Variants in PPP3R1 observed in about 807,000 individuals in gnomAD.
PPP3R1 encodes calcineurin subunit B type 1.
In PPP3R1, 5 loss-of-function variants were observed where a neutral mutation model predicts 22.6. The ratio of observed to expected loss-of-function variants is 0.22; its 90% CI spans 0.12 to 0.46. The LOEUF is 0.46. Ranked by LOEUF, PPP3R1 falls within the 20% of genes least tolerant of loss-of-function variation. The pLI is 0.99. For synonymous variants in PPP3R1, 56 were observed against 65.2 expected, an observed-to-expected ratio of 0.86 and a Z score of 0.68; for missense variants, 61 against 203.2, an observed-to-expected ratio of 0.30 and a Z score of 4.25.
At chr2:68,248,350 G>A (rs903835348) in intron 1 of PPP3R1, among the ~76,000 whole-genome samples, 1 of 152,152 alleles carries the variant, frequency 6.6e-6, no homozygotes, top group African/African-American at 2.4e-5. Flanking sequence ...ATAGCACATA[G>A]CACACTGCAT....
At chr2:68,236,188 ACCTT>A (rs1374491997) in intron 1 of PPP3R1, among the ~76,000 whole-genome samples, 3 of 152,164 alleles carry the variant, frequency 2.0e-5, no homozygotes, top group African/African-American at 7.2e-5. Context: ...TATACAATTT[ACCTT>A]TTTTTTCTTT....
intron 1 of PPP3R1, among the ~76,000 whole-genome samples, chr2:68,225,555 T>A (rs938852058): frequency 6.6e-6 from 1 of 152,224 alleles, no homozygotes; most frequent in African/African-American, 2.4e-5. Flanking sequence ...TTCAGCCTTG[T>A]GATACTCTGA....
intron 2 of PPP3R1, among the ~76,000 whole-genome samples, chr2:68,211,583 A>G (rs1448557491): frequency 2.0e-5 from 3 of 152,108 alleles, no homozygotes; most frequent in Non-Finnish European, 2.9e-5. Context: ...TTGCCACATC[A>G]TTTGACAATT....
At chr2:68,228,036 T>C (rs984227235) in intron 1 of PPP3R1, among the ~76,000 whole-genome samples, 1 of 152,206 alleles carries the variant, frequency 6.6e-6, no homozygotes, top group Non-Finnish European at 1.5e-5. Context: ...TTGTTACAGA[T>C]CTTACAGAGA....
At chr2:68,237,619 C>G (rs1325642391) in intron 1 of PPP3R1, among the ~76,000 whole-genome samples, 1 of 152,134 alleles carries the variant, frequency 6.6e-6, no homozygotes, top group African/African-American at 2.4e-5. Context: ...TAAGTTCAAA[C>G]TGGACAAGCA....
chr2:68,210,986 T>A, intron 2 of PPP3R1, among the ~76,000 whole-genome samples: 1 of 152,156 alleles, frequency 6.6e-6, no homozygotes. Flanking sequence ...ATAAAGTGAA[T>A]AAAGCGAACT....
chr2:68,204,353 G>GATATATATATATGCTGAT (rs1491437318), intron 2 of PPP3R1, among the ~76,000 whole-genome samples: 2 of 148,344 alleles, frequency 1.3e-5, no homozygotes, highest in Non-Finnish European at 3.0e-5. Flanking sequence ...TATATATTCT[G>GATATATATATATGCTGAT]ATATATATAT....
Position 68,209,416 on chromosome 2 carries a change from T to C in PPP3R1, c.43+7676A>G, listed in dbSNP as rs1015785434. 3.6e-4 allele frequency among the ~76,000 whole-genome samples: 44 copies of C among 123,288 alleles called. 1 individual carries two copies. Among genetic ancestry groups the C allele is most frequent in the Non-Finnish European group, 5.2e-5 (3 of 57,626 alleles). 80.9% of individuals were successfully genotyped at this position (123,288 alleles called of 152,430 possible). On this transcript the variant is annotated intron_variant, in intron 2 of 5. Coordinates refer to ENST00000234310, the MANE Select transcript of PPP3R1 (RefSeq NM_000945.4). The stretch of plus-strand genomic sequence containing the variant: ...ACTGTGGAAGTTACAAAATAGCAGA[T>C]AAATTAATAAATAAGTAATTTGGGT...
intron 2 of PPP3R1, among the ~76,000 whole-genome samples, chr2:68,198,340 TAC>T (rs1337374819): frequency 1.1e-5 from 1 of 90,268 alleles, no homozygotes; most frequent in East Asian, 3.1e-4. Context: ...TACATATATG[TAC>T]ATGTATATGC....
Position 68,179,629 on chromosome 2 carries a change from A to G in PPP3R1, c.*1334T>C, listed in dbSNP as rs1047651318. 3 of 152,254 alleles carry G rather than the reference A, an allele frequency of 2.0e-5. No individual in the cohort carries two copies. Among genetic ancestry groups the G allele is most frequent in the Non-Finnish European group, 4.4e-5 (3 of 68,046 alleles). 9.4% of individuals were successfully genotyped at this position (152,254 alleles called of 1,614,324 possible). A position where few individuals can be genotyped will look rare whatever the true frequency, so the allele number is the denominator to read the frequency against. On this transcript the variant is annotated 3_prime_UTR_variant, in exon 6 of 6. Transcript: ENST00000234310. ...CCAAAATGTTTTTCTTCCAGCTAAC[A>G]GTACCTTTGCAGAAATGGGAAGGGA... is the stretch of plus-strand genomic sequence containing the variant.
intron 1 of PPP3R1, among the ~76,000 whole-genome samples, chr2:68,228,088 T>A (rs1572971067): frequency 6.6e-6 from 1 of 152,166 alleles, no homozygotes; most frequent in African/African-American, 2.4e-5. Flanking sequence ...CAGCTGTAGG[T>A]TTTCACAGAT....
intron 1 of PPP3R1, among the ~76,000 whole-genome samples, chr2:68,247,373 C>A (rs1160572362): frequency 6.6e-6 from 1 of 152,232 alleles, no homozygotes; most frequent in Non-Finnish European, 1.5e-5. Flanking sequence ...CCAAATGATA[C>A]TGATGCTGCT....
chr2:68,217,345 ACT>A (rs1669600420), intron 1 of PPP3R1, among the ~76,000 whole-genome samples: 1 of 152,070 alleles, frequency 6.6e-6, no homozygotes, highest in South Asian at 2.1e-4. Flanking sequence ...CTGACTTATG[ACT>A]CTGTCACTTA....
chr2:68,241,260 T>C (rs553681957), intron 1 of PPP3R1, among the ~76,000 whole-genome samples: 43 of 152,342 alleles, frequency 2.8e-4, no homozygotes, highest in African/African-American at 1.0e-3. Context: ...TCTAATACAA[T>C]GTAAATAGTA....
chr2:68,189,829 A>G (rs1674622945), intron 2 of PPP3R1, among the ~76,000 whole-genome samples: 1 of 152,196 alleles, frequency 6.6e-6, no homozygotes, highest in African/African-American at 2.4e-5. Flanking sequence ...AGATCACGCC[A>G]CTGCTTTCCA....
At chr2:68,234,774 A>T (rs1402166548) in intron 1 of PPP3R1, among the ~76,000 whole-genome samples, 1 of 151,140 alleles carries the variant, frequency 6.6e-6, no homozygotes, top group Non-Finnish European at 1.5e-5. Context: ...AAACATATAT[A>T]ATAACCCCCT....
intron 1 of PPP3R1, among the ~76,000 whole-genome samples, chr2:68,245,066 C>G (rs1266565633): frequency 3.0e-4 from 45 of 152,140 alleles, no homozygotes; most frequent in Admixed American, 2.9e-3. Context: ...AGCTATTACC[C>G]TGACTCAAAT....
At chr2:68,188,735 C>A in intron 2 of PPP3R1, 45 bp from the exon 3 acceptor site, 3 of 1,490,042 alleles carry the variant, frequency 2.0e-6, no homozygotes, top group East Asian at 2.4e-5. Context: ...TAAAAATGTT[C>A]CCAAATCCTT....
At chr2:68,224,675 A>G (rs912228882) in intron 1 of PPP3R1, among the ~76,000 whole-genome samples, 2 of 152,076 alleles carry the variant, frequency 1.3e-5, no homozygotes, top group African/African-American at 4.8e-5. Context: ...GAAAAAAAAA[A>G]AAAAAGTTAT....
Sources: allele counts gnomAD v4.1 joint callset (sites outside exome capture counted in the v4.1 genomes callset), GRCh38; gene constraint gnomAD v4.1.1; transcripts MANE v1.5; gene names NCBI Gene and HGNC (gene_info 2026-07-23, HGNC 2026-07-21).